The following PKNOX1 variants were observed in gnomAD, a reference collection of about 807,000 sequenced individuals.
PKNOX1 encodes PBX/knotted 1 homeobox 1.
Under a neutral mutation model 51.9 loss-of-function variants are expected in PKNOX1, and 15 were observed. That is an observed-to-expected ratio of 0.29 (90% confidence interval 0.19 to 0.45). PKNOX1 has a LOEUF of 0.45. Among genes scored for constraint, PKNOX1 ranks in the 20% least tolerant of loss-of-function variants. The pLI is 1.00. For missense variants in PKNOX1, 462 were observed against 547.5 expected (o/e 0.84, Z 1.56); for synonymous variants, 219 against 211.1 (o/e 1.04, Z -0.32).
chr21:43,011,606 G>A (rs1224626811), intron 4 of PKNOX1, among the ~76,000 whole-genome samples: 1 of 152,182 alleles, frequency 6.6e-6, no homozygotes, highest in African/African-American at 2.4e-5. Flanking sequence ...TTACTTCTCA[G>A]AGCTGGGTAC....
At chr21:43,024,686 A>G (rs2146292663) in intron 8 of PKNOX1, 185 bp from the exon 9 acceptor site, 1 of 585,670 alleles carries the variant, frequency 1.7e-6, no homozygotes, top group East Asian at 2.9e-5. Flanking sequence ...CCACTGCAGC[A>G]CTAGGACATT....
intron 1 of PKNOX1, among the ~76,000 whole-genome samples, chr21:42,987,144 G>A (rs967866776): frequency 1.3e-5 from 2 of 151,864 alleles, no homozygotes; most frequent in Non-Finnish European, 2.9e-5. Context: ...CACTTTGGGA[G>A]GCCAAAGTGG....
At chr21:43,019,057 C>T (rs535570084) in intron 7 of PKNOX1, among the ~76,000 whole-genome samples, 6 of 146,828 alleles carry the variant, frequency 4.1e-5, no homozygotes, top group African/African-American at 1.5e-4. Context: ...TGCACTCCAG[C>T]CTGAGCGACA....
At chr21:42,998,877 A>T (rs892000378) in intron 1 of PKNOX1, among the ~76,000 whole-genome samples, 1 of 152,170 alleles carries the variant, frequency 6.6e-6, no homozygotes, top group African/African-American at 2.4e-5. Flanking sequence ...TTCCAGGTGC[A>T]TGGTGCAAGC....
chr21:42,979,603 G>A (rs879124597), intron 1 of PKNOX1, among the ~76,000 whole-genome samples: 4 of 152,172 alleles, frequency 2.6e-5, no homozygotes, highest in African/African-American at 4.8e-5. Flanking sequence ...TTAGCTGGGC[G>A]TAGTGGCGGG....
At position 42,999,625 on chromosome 21, in the gene PKNOX1, C is replaced by T. The variant is rs540108908; in HGVS notation, c.-56-4701C>T. Among the ~76,000 whole-genome samples, 5 of 152,196 alleles carry T rather than the reference C, an allele frequency of 3.3e-5. No individual in the cohort carries two copies. In the South Asian group the frequency reaches 6.2e-4, roughly 19 times the overall value. ...CCTCCTGAGTAGCTGGGATTACAGG[C>T]GTGCACCACCAAGCCCGGCTAATTT... On this transcript the variant is annotated intron_variant, in intron 1 of 10. Transcript: ENST00000291547.
chr21:43,020,826 C>T (rs902746142), intron 7 of PKNOX1, among the ~76,000 whole-genome samples: 5 of 152,240 alleles, frequency 3.3e-5, no homozygotes, highest in African/African-American at 1.2e-4. Flanking sequence ...CACGGCATTC[C>T]TGCCTGCAGA....
At chr21:43,002,345 A>C (rs1978795310) in intron 1 of PKNOX1, among the ~76,000 whole-genome samples, 1 of 151,910 alleles carries the variant, frequency 6.6e-6, no homozygotes, top group African/African-American at 2.4e-5. Context: ...GCTCCCATTG[A>C]CTGTGGCCCC....
At chr21:43,016,228 G>A (rs186342194) in intron 5 of PKNOX1, among the ~76,000 whole-genome samples, 4 of 152,360 alleles carry the variant, frequency 2.6e-5, no homozygotes, top group East Asian at 1.9e-4. Flanking sequence ...CCACCCAGGC[G>A]TCACAGTCAG....
At chr21:43,008,473 G>C (rs933221326) in intron 3 of PKNOX1, among the ~76,000 whole-genome samples, 11 of 152,180 alleles carry the variant, frequency 7.2e-5, no homozygotes, top group Admixed American at 6.5e-4. Flanking sequence ...GGGAATGTCA[G>C]ACTTGTTTAG....
At chr21:43,016,834 A>T in intron 5 of PKNOX1, 74 bp from the exon 6 acceptor site, 1 of 900,358 alleles carries the variant, frequency 1.1e-6, no homozygotes, top group Non-Finnish European at 1.7e-6. Context: ...TCATTATGCT[A>T]CTTATGTTAA....
At chr21:43,015,495 G>C (rs1203565532) in intron 5 of PKNOX1, among the ~76,000 whole-genome samples, 1 of 152,022 alleles carries the variant, frequency 6.6e-6, no homozygotes, top group African/African-American at 2.4e-5. Context: ...CTAATATTTT[G>C]TTCAGCATTT....
chr21:42,978,649 A>G (rs770523533), intron 1 of PKNOX1, among the ~76,000 whole-genome samples: 94 of 151,590 alleles, frequency 6.2e-4, no homozygotes, highest in Non-Finnish European at 1.2e-3. Flanking sequence ...ACGCCCGGCT[A>G]ATTTTTGTAT....
rs1381737346 is a variant in PKNOX1 at position 43,010,191 on chromosome 21, T to C, written c.318T>C (p.Pro106=). The change falls in exon 4 of 11, where the codon CCT becomes CCC. Residue 106 remains proline, a synonymous_variant. Coordinates refer to ENST00000291547, the MANE Select transcript of PKNOX1 (RefSeq NM_004571.5). ...FVRKQEKEGK[P]FFCEDPETDN... is the part of the protein sequence containing the mutation. ...GAAAGCAAGAGAAGGAAGGGAAACC[T>C]TTCTTTTGTGAAGATCCAGAAACTG... 3 of 1,587,958 alleles carry C rather than the reference T, an allele frequency of 1.9e-6. No homozygotes were observed. The highest frequency in any genetic ancestry group is 2.7e-5 in the African/African-American group (2 of 73,786).
chr21:43,026,696 G>A (rs1329774077), intron 9 of PKNOX1, among the ~76,000 whole-genome samples: 1 of 152,184 alleles, frequency 6.6e-6, no homozygotes, highest in Non-Finnish European at 1.5e-5. Context: ...GGTGGAGGTT[G>A]CAGTGAGCCC....
chr21:43,008,860 T>G (rs2146267967), intron 3 of PKNOX1, among the ~76,000 whole-genome samples: 1 of 152,250 alleles, frequency 6.6e-6, no homozygotes, highest in East Asian at 1.9e-4. Flanking sequence ...TATGTATACC[T>G]AACACAAATG....
rs138383636 is a variant in PKNOX1 at position 42,996,934 on chromosome 21, G to A, written c.-56-7392G>A. Among the ~76,000 whole-genome samples the A allele has an allele frequency of 4.3e-3, 647 of 151,284 alleles. 3 individuals are homozygous for A. Among genetic ancestry groups the A allele is most frequent in the Non-Finnish European group, 7.5e-3 (509 of 67,892 alleles). ...GAGTCTCTGTCATCCCGGCTGGAGT[G>A]CAGTGGCACGATCTCGGCTCACTGC... On this transcript the variant is annotated intron_variant, in intron 1 of 10. Coordinates refer to ENST00000291547, the MANE Select transcript of PKNOX1 (RefSeq NM_004571.5).
At chr21:42,988,679 C>T (rs910076494) in intron 1 of PKNOX1, among the ~76,000 whole-genome samples, 2 of 152,094 alleles carry the variant, frequency 1.3e-5, no homozygotes, top group South Asian at 2.1e-4. Context: ...AGATTCTTTC[C>T]GGTGGCTCCC....
Position 43,021,655 on chromosome 21 carries a change from G to A in PKNOX1, c.849+224G>A, listed in dbSNP as rs548659884. ...AGGAGCACCCGAGCACATGTGAGGC[G>A]TACACGTGTGTCCGAGACAGCCCAC... is the stretch of plus-strand genomic sequence containing the variant. On this transcript the variant is annotated intron_variant, in intron 8 of 10. Coordinates refer to ENST00000291547, the MANE Select transcript of PKNOX1 (RefSeq NM_004571.5). The surrounding 1 kb of genome is among the most constrained non-coding windows in gnomAD (Gnocchi z 4.6). 3.3e-5 allele frequency among the ~76,000 whole-genome samples: 5 copies of A among 152,350 alleles called. No individual in the cohort carries two copies. The highest frequency in any genetic ancestry group is 4.4e-5 in the Non-Finnish European group (3 of 68,042).
Sources: gnomAD v4.1 joint callset for allele counts (sites outside exome capture counted in the v4.1 genomes callset) on GRCh38, gnomAD v4.1.1 for gene constraint, Gnocchi (gnomAD v3.1) non-coding constraint, MANE v1.5 for transcripts, NCBI Gene and HGNC (gene_info 2026-07-23, HGNC 2026-07-21) for gene names.